The following NUBPL variants were observed in gnomAD, a reference collection of about 807,000 sequenced individuals.
The protein encoded by NUBPL is iron-sulfur cluster transfer protein NUBPL.
NUBPL carries 31 observed loss-of-function variants against 45.7 expected under a neutral mutation model. That is an observed-to-expected ratio of 0.68 (90% CI 0.51 to 0.92). The LOEUF (loss-of-function observed/expected upper bound fraction) is 0.92. Ranked by LOEUF, NUBPL falls within the 40% of genes least tolerant of loss-of-function variation. The pLI is 0.00. For synonymous variants in NUBPL, 144 were observed against 140.9 expected (o/e 1.02, Z -0.15); for missense variants, 401 against 398.7 (o/e 1.01, Z -0.05).
At chr14:31,774,028 A>G (rs1182298187) in intron 6 of NUBPL, among the ~76,000 whole-genome samples, 2 of 152,136 alleles carry the variant, frequency 1.3e-5, no homozygotes, top group Non-Finnish European at 2.9e-5. Flanking sequence ...CTTTTACTTC[A>G]TGATTTCTCT....
At chr14:31,772,298 T>C (rs1407472792) in intron 6 of NUBPL, among the ~76,000 whole-genome samples, 3 of 152,208 alleles carry the variant, frequency 2.0e-5, no homozygotes, top group African/African-American at 7.2e-5. Context: ...AAAATTTATT[T>C]TGACAATTTC....
intron 4 of NUBPL, among the ~76,000 whole-genome samples, chr14:31,665,483 C>T (rs914781798): frequency 3.9e-5 from 6 of 152,114 alleles, no homozygotes; most frequent in Non-Finnish European, 5.9e-5. Flanking sequence ...ATTATTTACC[C>T]AGTAGTAGTC....
chr14:31,790,219 A>G (rs904129962), intron 7 of NUBPL, among the ~76,000 whole-genome samples: 9 of 152,318 alleles, frequency 5.9e-5, no homozygotes, highest in African/African-American at 2.2e-4. Context: ...GCCCCTTTGG[A>G]CAAGATTTAT....
intron 4 of NUBPL, among the ~76,000 whole-genome samples, chr14:31,608,328 C>T (rs990165516): frequency 1.1e-4 from 16 of 151,930 alleles, no homozygotes; most frequent in African/African-American, 2.9e-4. Flanking sequence ...CTGAGGCGGG[C>T]GGATCACCTG....
intron 4 of NUBPL, among the ~76,000 whole-genome samples, chr14:31,649,465 G>C (rs566135065): frequency 6.6e-6 from 1 of 152,298 alleles, no homozygotes; most frequent in Non-Finnish European, 1.5e-5. Context: ...AAATGTGAAA[G>C]TAATTGTTTA....
chr14:31,561,712 G>A, intron 1 of NUBPL, 165 bp downstream of exon 1: 2 of 552,876 alleles, frequency 3.6e-6, no homozygotes, highest in Non-Finnish European at 3.1e-6. Context: ...AGGCGTGGCG[G>A]GACTTGAAAC....
At chr14:31,626,346 A>G (rs575422330) in intron 4 of NUBPL, among the ~76,000 whole-genome samples, 5 of 151,862 alleles carry the variant, frequency 3.3e-5, no homozygotes, top group African/African-American at 1.2e-4. Flanking sequence ...CACCATGTTG[A>G]TCAGGCTGGT....
intron 9 of NUBPL, among the ~76,000 whole-genome samples, chr14:31,849,331 G>A (rs10129419): frequency 0.32 from 48,832 of 151,732 alleles, 7,910 homozygotes; most frequent in East Asian, 0.47. Flanking sequence ...CAACTTTTCC[G>A]CTTAAGACTC....
At chr14:31,564,432 G>A (rs1272691880) in intron 2 of NUBPL, among the ~76,000 whole-genome samples, 1 of 150,216 alleles carries the variant, frequency 6.7e-6, no homozygotes, top group Non-Finnish European at 1.5e-5. Context: ...GCTCATGCCT[G>A]TAATGCCAGC....
At chr14:31,802,102 A>G (rs937971502) in intron 7 of NUBPL, among the ~76,000 whole-genome samples, 1 of 152,210 alleles carries the variant, frequency 6.6e-6, no homozygotes, top group Non-Finnish European at 1.5e-5. Context: ...TCAGGGCTCT[A>G]TCCTCATGAA....
intron 4 of NUBPL, among the ~76,000 whole-genome samples, chr14:31,642,257 C>G (rs1566470313): frequency 6.6e-6 from 1 of 152,140 alleles, no homozygotes. Context: ...GATCTTTGCC[C>G]AGACTAACGT....
At position 31,752,895 on chromosome 14, in the gene NUBPL, C is replaced by T. The variant is rs1595581826; in HGVS notation, c.514-34885C>T. ...CTTACAATCATGGCAGAAGTGGAAGCAGGGACTTTCTTCATATGGTGGCAA... is the reference window on the plus strand; with the variant it reads ...CTTACAATCATGGCAGAAGTGGAAGTAGGGACTTTCTTCATATGGTGGCAA... On this transcript the variant is annotated intron_variant, in intron 6 of 10. Coordinates refer to ENST00000281081, the MANE Select transcript of NUBPL (RefSeq NM_025152.3). Among the ~76,000 whole-genome samples the T allele has an allele frequency of 2.0e-5, 3 of 152,170 alleles. No individual in the cohort carries two copies. The South Asian group carries it at 6.2e-4, about 32-fold the overall frequency.
chr14:31,586,116 T>C (rs1259302430), intron 3 of NUBPL, among the ~76,000 whole-genome samples: 3 of 152,152 alleles, frequency 2.0e-5, no homozygotes, highest in East Asian at 1.9e-4. Context: ...AACAACACAA[T>C]TGAGAATATC....
intron 6 of NUBPL, among the ~76,000 whole-genome samples, chr14:31,760,946 C>T (rs780276296): frequency 9.9e-5 from 15 of 151,874 alleles, no homozygotes; most frequent in African/African-American, 1.7e-4. Flanking sequence ...GTCCTCCCAC[C>T]GCAGCCTGCT....
chr14:31,570,721 T>A (rs11156690), intron 3 of NUBPL, among the ~76,000 whole-genome samples: 46,080 of 152,078 alleles, frequency 0.3, 7,687 homozygotes, highest in South Asian at 0.41. Context: ...CGTGCTACTT[T>A]TGGGTCATTC....
chr14:31,749,732 T>C (rs895717579), intron 6 of NUBPL, among the ~76,000 whole-genome samples: 1 of 152,220 alleles, frequency 6.6e-6, no homozygotes, highest in African/African-American at 2.4e-5. Context: ...TTCATTTGAA[T>C]GTTTATAACT....
At chr14:31,846,618 G>C (rs1318361211) in intron 9 of NUBPL, 27 bp downstream of exon 9, 9 of 1,611,946 alleles carry the variant, frequency 5.6e-6, no homozygotes, top group Non-Finnish European at 6.8e-6. Context: ...TTCTTTTGTA[G>C]AAGAAGTGGC....
At chr14:31,778,159 A>G (rs2138786641) in intron 6 of NUBPL, among the ~76,000 whole-genome samples, 1 of 152,356 alleles carries the variant, frequency 6.6e-6, no homozygotes, top group African/African-American at 2.4e-5. Flanking sequence ...CTGACTGAAT[A>G]GATGGGAATT....
intron 3 of NUBPL, among the ~76,000 whole-genome samples, chr14:31,577,326 C>T (rs1438246883): frequency 6.6e-6 from 1 of 152,188 alleles, no homozygotes; most frequent in Admixed American, 6.5e-5. Context: ...TAATCTCATC[C>T]ACCTTGAATT....
Sources: allele counts gnomAD v4.1 joint callset (sites outside exome capture counted in the v4.1 genomes callset), GRCh38; gene constraint gnomAD v4.1.1; transcripts MANE v1.5; gene names NCBI Gene and HGNC (gene_info 2026-07-23, HGNC 2026-07-21).